The following PHKG2 variants were observed in gnomAD, a reference collection of about 807,000 sequenced individuals.
PHKG2 encodes the protein phosphorylase kinase catalytic subunit gamma 2.
PHKG2 carries 28 observed loss-of-function variants against 44.5 expected under a neutral mutation model. The observed-to-expected ratio is 0.63, with a 90% CI of 0.47 to 0.86. PHKG2 has a LOEUF of 0.86. Ranked by LOEUF, PHKG2 falls within the 40% of genes least tolerant of loss-of-function variation. The pLI is 0.00. For missense variants in PHKG2, 498 were observed against 547.5 expected, an observed-to-expected ratio of 0.91 and a Z score of 0.90; for synonymous variants, 220 against 211.2, an observed-to-expected ratio of 1.04 and a Z score of -0.36.
In PHKG2 at chr16:30,759,431, T is replaced by C. The variant is rs754715082; in HGVS notation, c.*2334T>C. 2 of 1,614,220 alleles carry C rather than the reference T, an allele frequency of 1.2e-6. No individual in the cohort carries two copies. The highest frequency in any genetic ancestry group is 8.5e-7 in the Non-Finnish European group (1 of 1,180,032). The stretch of plus-strand genomic sequence containing the variant: ...TCCAAGGCCAGCAGCTGTTCCTCTT[T>C]GAAGAGGTCGATGCTGAAAGGAGGC... On this transcript the variant is annotated 3_prime_UTR_variant, in exon 10 of 10. Coordinates refer to ENST00000563588, the MANE Select transcript of PHKG2 (RefSeq NM_000294.3).
rs770878389 is a variant in PHKG2, at chr16:30,759,015, G to GCT, written c.*1921_*1922dup. The GCT allele has an allele frequency of 1.3e-5, 21 of 1,614,156 alleles. No homozygotes were observed. The highest frequency in any genetic ancestry group is 1.7e-5 in the Non-Finnish European group (20 of 1,180,012). The stretch of plus-strand genomic sequence containing the variant: ...CCTGCCCTCTCCAGATCCTCACTTG[G>GCT]CTCTGGCTCTGGTGGGGCCACTGTC... On this transcript the variant is annotated 3_prime_UTR_variant, in exon 10 of 10. Coordinates refer to ENST00000563588, the MANE Select transcript of PHKG2 (RefSeq NM_000294.3).
Position 30,758,466 on chromosome 16 carries a change from AC to A in PHKG2, c.*1372del, listed in dbSNP as rs2053523533. 1 of 168,178 alleles carries A rather than the reference AC, an allele frequency of 5.9e-6. No homozygotes were observed. The highest frequency in any genetic ancestry group is 2.4e-5 in the African/African-American group (1 of 41,458). The allele number at this position is 168,178 out of a possible 1,614,324, so 10.4% of individuals were successfully genotyped here. On this transcript the variant is annotated 3_prime_UTR_variant, in exon 10 of 10. Transcript: ENST00000563588. ...TACATGGGCCATGGTGGTTTGCTTT[AC>A]CCATCAACCCATCATATAGGTTTTA... is the stretch of plus-strand genomic sequence containing the variant.
chr16:30,748,458 C>T lies in PHKG2; in HGVS notation c.-51C>T, dbSNP rs112201430. 4 of 311,242 alleles carry T rather than the reference C, an allele frequency of 1.3e-5. No individual in the cohort carries two copies. Among genetic ancestry groups the T allele is most frequent in the Non-Finnish European group, 2.4e-5 (4 of 165,682 alleles). 19.3% of individuals were successfully genotyped at this position (311,242 alleles called of 1,614,324 possible). On this transcript the variant is annotated 5_prime_UTR_variant, in exon 1 of 10. Coordinates refer to ENST00000563588, the MANE Select transcript of PHKG2 (RefSeq NM_000294.3). ...GCAAACCCGGCGACAGCGCAGCTCG[C>T]GTCGACCCTGGCTCCTCTGCCTGCC...
chr16:30,756,155 C>T (rs979180770), intron 6 of PHKG2, 27 bp from the exon 7 acceptor site: 15 of 1,561,036 alleles, frequency 9.6e-6, no homozygotes, highest in Admixed American at 1.7e-5. Flanking sequence ...TGGTGGCATC[C>T]CCTCAATCTT....
chr16:30,749,906 G>A (rs1326365464), intron 2 of PHKG2, among the ~76,000 whole-genome samples: 1 of 152,172 alleles, frequency 6.6e-6, no homozygotes, highest in Non-Finnish European at 1.5e-5. Flanking sequence ...TTCCAGAAAA[G>A]CACACCTTCT....
At position 30,759,262 on chromosome 16, in the gene PHKG2, A is replaced by G. The variant is rs375995977; in HGVS notation, c.*2165A>G. On this transcript the variant is annotated 3_prime_UTR_variant, in exon 10 of 10. Coordinates refer to ENST00000563588, the MANE Select transcript of PHKG2 (RefSeq NM_000294.3). ...TCCAGCCGCACCTGGGAAGCAAGGC[A>G]GAGGGAGGCTGAAAGGAGTGCACCT... 4.3e-5 allele frequency: 70 copies of G among 1,613,990 alleles called. No homozygotes were observed. Among genetic ancestry groups the G allele is most frequent in the Admixed American group, 8.3e-5 (5 of 60,004 alleles).
Position 30,759,186 on chromosome 16 carries a change from C to G in PHKG2, c.*2089C>G, listed in dbSNP as rs752747001. 1 of 1,614,210 alleles carries G rather than the reference C, an allele frequency of 6.2e-7. No homozygotes were observed. The highest frequency in any genetic ancestry group is 1.7e-5 in the Admixed American group (1 of 60,032). ...CTGGCACTCTCCCTTACCCGTCTCA[C>G]TCTCTGGCCACAGTTTGGGTGGCTG... On this transcript the variant is annotated 3_prime_UTR_variant, in exon 10 of 10. Coordinates refer to ENST00000563588, the MANE Select transcript of PHKG2 (RefSeq NM_000294.3).
chr16:30,748,511 C>G (rs1321707832), intron 1 of PHKG2, 21 bp downstream of exon 1: 3 of 480,904 alleles, frequency 6.2e-6, no homozygotes, highest in South Asian at 2.4e-5. Flanking sequence ...GCTAGACCCC[C>G]GTCCCCTTCC....
intron 4 of PHKG2, chr16:30,751,813 G>A (rs2053349073): frequency 3.2e-6 from 2 of 634,052 alleles, no homozygotes; most frequent in Non-Finnish European, 5.8e-6. Flanking sequence ...GTGACTAGTG[G>A]CTGGGTGCAG....
chr16:30,759,586 TGA>T lies in PHKG2; in HGVS notation c.*2496_*2497del, dbSNP rs752193448. 6.2e-7 allele frequency: 1 copy of T among 1,614,068 alleles called. No individual in the cohort carries two copies. Among genetic ancestry groups the T allele is most frequent in the Admixed American group, 1.7e-5 (1 of 60,022 alleles). The stretch of plus-strand genomic sequence containing the variant: ...CACAAGAAGATAAGGGTGATGAATG[TGA>T]GAGAGACTGGGTGAGACCTTGTCTG... On this transcript the variant is annotated 3_prime_UTR_variant, in exon 10 of 10. Transcript: ENST00000563588.
rs2053686216 is a variant in PHKG2, at chr16:30,760,523, G to A, written c.*3426G>A. On this transcript the variant is annotated 3_prime_UTR_variant, in exon 10 of 10. Transcript: ENST00000563588. ...TCACCCTACACCCACCACATGCTTT[G>A]GAGTCAGCCATTCCTCATGTTTTCC... is the stretch of plus-strand genomic sequence containing the variant. 4 of 1,608,386 alleles carry A rather than the reference G, an allele frequency of 2.5e-6. 1 individual carries two copies. The South Asian group carries it at 4.4e-5, about 18-fold the overall frequency.
chr16:30,752,037 G>A, intron 4 of PHKG2: 1 of 272,418 alleles, frequency 3.7e-6, no homozygotes, highest in Non-Finnish European at 7.2e-6. Flanking sequence ...AGCTTGCAGT[G>A]AGCCCAGATT....
Position 30,759,483 on chromosome 16 carries a change from AC to A in PHKG2, c.*2389del, listed in dbSNP as rs1386694160. 6.2e-7 allele frequency: 1 copy of A among 1,614,020 alleles called. No individual in the cohort carries two copies. ...GCTGTGGTGGTGACTCGGAATTAGA[AC>A]CCTGACTACCTTCCGGAGCCCTGGC... On this transcript the variant is annotated 3_prime_UTR_variant, in exon 10 of 10. Transcript: ENST00000563588.
chr16:30,751,501 C>G lies in PHKG2; in HGVS notation c.272-48C>G, dbSNP rs370492383. The G allele has an allele frequency of 4.3e-5, 66 of 1,535,806 alleles. No homozygotes were observed. The Middle Eastern group carries it at 1.7e-3, about 39-fold the overall frequency. On this transcript the variant is annotated intron_variant, in intron 3 of 9. Transcript: ENST00000563588. ...GTGGCCAAGCCCCGTTAATGTGCAT[C>G]CACTCCTTTCCATCTCTGTCTCTCT...
chr16:30,753,803 G>A (rs1417814132), intron 6 of PHKG2, among the ~76,000 whole-genome samples: 1 of 152,180 alleles, frequency 6.6e-6, no homozygotes, highest in African/African-American at 2.4e-5. Flanking sequence ...GCCAGGCCAG[G>A]GGAACCCGGA....
rs897160839 is a variant in PHKG2, at chr16:30,759,599, G to A, written c.*2502G>A. On this transcript the variant is annotated 3_prime_UTR_variant, in exon 10 of 10. Coordinates refer to ENST00000563588, the MANE Select transcript of PHKG2 (RefSeq NM_000294.3). ...GGGTGATGAATGTGAGAGAGACTGG[G>A]TGAGACCTTGTCTGGGGATGGGTAA... is the stretch of plus-strand genomic sequence containing the variant. 6.2e-7 allele frequency: 1 copy of A among 1,614,130 alleles called. No individual in the cohort carries two copies. Among genetic ancestry groups the A allele is most frequent in the Admixed American group, 1.7e-5 (1 of 60,032 alleles).
At chr16:30,748,571 C>A in intron 1 of PHKG2, 81 bp downstream of exon 1, 1 of 560,326 alleles carries the variant, frequency 1.8e-6, no homozygotes, top group Non-Finnish European at 3.2e-6. Context: ...GCCCTTGCGC[C>A]CCTTCCCCCT....
At chr16:30,754,619 T>C (rs550532785) in intron 6 of PHKG2, among the ~76,000 whole-genome samples, 2 of 152,226 alleles carry the variant, frequency 1.3e-5, no homozygotes, top group Non-Finnish European at 2.9e-5. Flanking sequence ...ACAGTCTGAC[T>C]CCAGAGTTAA....
chr16:30,756,287 T>TC lies in PHKG2; in HGVS notation c.647+20dup, dbSNP rs1555467541. The TC allele has an allele frequency of 6.2e-7, 1 of 1,613,598 alleles. No homozygotes were observed. The highest frequency in any genetic ancestry group is 1.1e-5 in the South Asian group (1 of 91,068). On this transcript the variant is annotated intron_variant, in intron 7 of 9. Coordinates refer to ENST00000563588, the MANE Select transcript of PHKG2 (RefSeq NM_000294.3). Reference sequence around the variant, plus strand: ...GAGGTCGACCTGTGAGTTCCTGGTCTCCCCCTCCCTCCCGTGCTTGCTGTC... The same window carrying TC: ...GAGGTCGACCTGTGAGTTCCTGGTCTCCCCCCTCCCTCCCGTGCTTGCTGTC...
Sources: gnomAD v4.1 joint callset for allele counts (sites outside exome capture counted in the v4.1 genomes callset) on GRCh38, gnomAD v4.1.1 for gene constraint, MANE v1.5 for transcripts, NCBI Gene and HGNC (gene_info 2026-07-23, HGNC 2026-07-21) for gene names.